Variants in GOLGA4 observed in about 807,000 individuals in gnomAD.
The protein encoded by GOLGA4 is golgin A4, also known as golgin subfamily A member 4.
In GOLGA4, 169 loss-of-function variants were observed where a neutral mutation model predicts 265.9. That is an observed-to-expected ratio of 0.64 (90% CI 0.56 to 0.72). The LOEUF (loss-of-function observed/expected upper bound fraction) is 0.72, where lower values mean the gene tolerates loss of function less well. Among genes scored for constraint, GOLGA4 ranks in the 30% least tolerant of loss-of-function variants. The probability of loss-of-function intolerance (pLI) is 0.00; values close to 1 mark genes in which losing one functional copy is unlikely to be tolerated. For missense variants in GOLGA4, 2,482 were observed against 2,483.4 expected (o/e 1.00, Z 0.01); for synonymous variants, 923 against 855.8 (o/e 1.08, Z -1.37).
intron 16 of GOLGA4, 98 bp downstream of exon 16, chr3:37,329,191 G>C: frequency 1.0e-6 from 1 of 1,002,948 alleles, no homozygotes; most frequent in Admixed American, 2.9e-5. Context: ...TTTTTTGAAC[G>C]AAAAGGGTTT....
chr3:37,315,373 A>G (rs1164588122), intron 10 of GOLGA4, 47 bp from the exon 11 acceptor site: 3 of 1,500,948 alleles, frequency 2.0e-6, no homozygotes, highest in African/African-American at 1.4e-5. Flanking sequence ...CTTTAGCTCA[A>G]TGATAATATT....
intron 16 of GOLGA4, among the ~76,000 whole-genome samples, chr3:37,333,111 T>C (rs966848206): frequency 2.0e-5 from 3 of 152,158 alleles, no homozygotes; most frequent in Non-Finnish European, 4.4e-5. Context: ...AAGAATTCAT[T>C]TGGGAGAAGG....
chr3:37,307,754 T>C (rs1343152043), intron 10 of GOLGA4, among the ~76,000 whole-genome samples: 1 of 152,212 alleles, frequency 6.6e-6, no homozygotes, highest in African/African-American at 2.4e-5. Context: ...GCTTTTAAAA[T>C]GCAATTATTT....
chr3:37,325,147 A>T lies in GOLGA4; in HGVS notation c.3261A>T (p.Lys1087Asn), dbSNP rs1250820153. 1.2e-6 allele frequency: 2 copies of T among 1,613,714 alleles called. No individual in the cohort carries two copies. Among genetic ancestry groups the T allele is most frequent in the African/African-American group, 1.3e-5 (1 of 75,044 alleles). The change falls in exon 14 of 24, where the codon AAA becomes AAT. Residue 1087 changes from lysine (K) to asparagine (N), a missense_variant. By Grantham distance (94) the Lys-to-Asn change is moderately conservative. Transcript: ENST00000361924. ...AGATCCTCCTATTTGGGTGTGAAAA[A>T]GAAGAGATGAACAAGGAAATAACAT... ...KQKILLFGCEKEEMNKEITWL... is the reference protein window; with the variant it reads ...KQKILLFGCENEEMNKEITWL...
In GOLGA4 at chr3:37,328,998, A is replaced by G; in HGVS notation, c.6097A>G (p.Ser2033Gly). 1 of 1,608,804 alleles carries G rather than the reference A, an allele frequency of 6.2e-7. No individual in the cohort carries two copies. Residue 2033 changes from serine (S) to glycine (G), a missense_variant, in exon 16 of 24, where the codon AGC becomes GGC. Ser to Gly is a moderately conservative substitution (Grantham distance 56). Around this residue, in one of 3 missense-constraint regions of GOLGA4, gnomAD observed 942 missense variants for 983.1 expected, o/e 0.96. Coordinates refer to ENST00000361924, the MANE Select transcript of GOLGA4 (RefSeq NM_002078.5). ...AQEVEAELLESHQEETNQLLK... is the reference protein window; with the variant it reads ...AQEVEAELLEGHQEETNQLLK... Reference sequence around the variant, plus strand: ...GGAGGTGGAGGCTGAACTTTTAGAAAGCCATCAAGAAGAGACAAATCAGTT... The same window carrying G: ...GGAGGTGGAGGCTGAACTTTTAGAAGGCCATCAAGAAGAGACAAATCAGTT...
At chr3:37,292,186 G>A (rs2096866464) in intron 5 of GOLGA4, among the ~76,000 whole-genome samples, 1 of 151,932 alleles carries the variant, frequency 6.6e-6, no homozygotes, top group Non-Finnish European at 1.5e-5. Context: ...TTGTTTTGGT[G>A]GGCTGTTAGG....
intron 4 of GOLGA4, among the ~76,000 whole-genome samples, chr3:37,288,591 C>G (rs1315791242): frequency 6.6e-6 from 1 of 151,974 alleles, no homozygotes; most frequent in Non-Finnish European, 1.5e-5. Flanking sequence ...ATTCTCCTGC[C>G]TCAGCCTCCT....
In GOLGA4 at chr3:37,265,217, A is replaced by G. The variant is rs938877518; in HGVS notation, c.162+13733A>G. On this transcript the variant is annotated intron_variant, in intron 2 of 23. Transcript: ENST00000361924. ...CCTCATCAAAAAATTCATTCTGATT[A>G]TAATTTATTGTACATCTAATTAATG... Among the ~76,000 whole-genome samples, 15 of 152,222 alleles carry G rather than the reference A, an allele frequency of 9.9e-5. No individual in the cohort carries two copies. The South Asian group carries it at 2.7e-3, about 27-fold the overall frequency.
Position 37,326,167 on chromosome 3 carries a change from G to C in GOLGA4, c.4281G>C (p.Glu1427Asp). Reference sequence around the variant, plus strand: ...TTAAAGTTGACACTCTGAGTAAAGAGAAAATTTCTGCTCTTGAGCAGGTAG... The same window carrying C: ...TTAAAGTTGACACTCTGAGTAAAGACAAAATTTCTGCTCTTGAGCAGGTAG... The part of the protein sequence containing the change: ...LSFKVDTLSK[E>D]KISALEQVDD... Residue 1427 changes from glutamate (E) to aspartate (D), a missense_variant, in exon 14 of 24, where the codon GAG (glutamate) becomes GAC (aspartate). Glu to Asp is a conservative substitution (Grantham distance 45, BLOSUM62 2). Transcript: ENST00000361924. The C allele has an allele frequency of 6.2e-7, 1 of 1,613,310 alleles. No homozygotes were observed. The highest frequency in any genetic ancestry group is 8.5e-7 in the Non-Finnish European group (1 of 1,179,484).
intron 1 of GOLGA4, among the ~76,000 whole-genome samples, chr3:37,249,507 G>A (rs188065975): frequency 9.2e-5 from 14 of 151,982 alleles, no homozygotes; most frequent in Non-Finnish European, 1.8e-4. Flanking sequence ...CTCTGCAGTT[G>A]AAGCAATTCT....
rs1162316524 is a variant in GOLGA4 at position 37,361,415 on chromosome 3, T to G, written c.*33+110T>G. On this transcript the variant is annotated intron_variant, in intron 23 of 23. Coordinates refer to ENST00000361924, the MANE Select transcript of GOLGA4 (RefSeq NM_002078.5). ...CTCTTGTTTAATAAATATATGATTA[T>G]GCTATGGGTTAATATAAGTATTTTC... 7.4e-6 allele frequency: 5 copies of G among 673,728 alleles called. No homozygotes were observed. The African/African-American group carries it at 9.0e-5, about 12-fold the overall frequency. 41.7% of individuals were successfully genotyped at this position (673,728 alleles called of 1,614,324 possible).
Position 37,366,184 on chromosome 3 carries a change from C to T in GOLGA4, c.*138C>T. ...TTGAGAATGAAGTTGTCATTCAGGG[C>T]CCCTCATGTAGCCAAAAGACCAAGA... On this transcript the variant is annotated 3_prime_UTR_variant, in exon 24 of 24. Transcript: ENST00000361924. 1 of 1,145,478 alleles carries T rather than the reference C, an allele frequency of 8.7e-7. No individual in the cohort carries two copies. The highest frequency in any genetic ancestry group is 1.7e-5 in the South Asian group (1 of 59,692). 71.0% of individuals were successfully genotyped at this position (1,145,478 alleles called of 1,614,324 possible).
intron 9 of GOLGA4, among the ~76,000 whole-genome samples, chr3:37,300,833 C>T (rs981625379): frequency 7.2e-5 from 11 of 152,080 alleles, no homozygotes; most frequent in Admixed American, 2.0e-4. Context: ...TCTAGTTTCT[C>T]ATATATTTTT....
intron 19 of GOLGA4, among the ~76,000 whole-genome samples, chr3:37,339,780 C>G (rs1334427249): frequency 6.6e-6 from 1 of 152,168 alleles, no homozygotes; most frequent in Non-Finnish European, 1.5e-5. Flanking sequence ...AGACAAGTCC[C>G]TTATCAGATA....
In GOLGA4 at chr3:37,323,898, T is replaced by G. The variant is rs779483543; in HGVS notation, c.2012T>G (p.Met671Arg). 1.2e-6 allele frequency: 2 copies of G among 1,613,416 alleles called. No homozygotes were observed. Among genetic ancestry groups the G allele is most frequent in the Non-Finnish European group, 1.7e-6 (2 of 1,179,780 alleles). Reference sequence around the variant, plus strand: ...ATCTTCCAGGCCCACATAGAAGAAATGAATGAAAAGACTTTAGAAAAGCTT... The same window carrying G: ...ATCTTCCAGGCCCACATAGAAGAAAGGAATGAAAAGACTTTAGAAAAGCTT... Reference protein sequence around the residue: ...EIIFQAHIEEMNEKTLEKLDV... With the variant: ...EIIFQAHIEERNEKTLEKLDV... Residue 671 changes from methionine to arginine, a missense_variant, in exon 14 of 24, where the codon ATG becomes AGG. Physicochemically the swap from Met to Arg is moderately conservative, Grantham distance 91. This residue lies in a region of GOLGA4 where 1,536 missense variants were observed against 1,483.7 expected (regional missense o/e 1.04). Coordinates refer to ENST00000361924, the MANE Select transcript of GOLGA4 (RefSeq NM_002078.5).
Position 37,327,843 on chromosome 3 carries a change from T to C in GOLGA4, c.5939+18T>C. ...AAAATCAAGTAAGTTTTATTTCAGC[T>C]TGAATATTTTTATGGCAGTCCTTCT... is the stretch of plus-strand genomic sequence containing the variant. On this transcript the variant is annotated intron_variant, in intron 14 of 23. Transcript: ENST00000361924. 1 of 1,566,412 alleles carries C rather than the reference T, an allele frequency of 6.4e-7. No individual in the cohort carries two copies. The highest frequency in any genetic ancestry group is 2.3e-5 in the East Asian group (1 of 44,368).
intron 11 of GOLGA4, among the ~76,000 whole-genome samples, chr3:37,317,376 G>T (rs1226036806): frequency 6.6e-6 from 1 of 152,030 alleles, no homozygotes; most frequent in Admixed American, 6.6e-5. Context: ...CTCCATGTTG[G>T]CCAGGCTGGT....
In GOLGA4 at chr3:37,347,547, T is replaced by C. The variant is rs138100008; in HGVS notation, c.6576+251T>C. ...AACACTGAACGCTAAACATTAAAAT[T>C]TCATTAACATAAGAATAATTTGTGA... On this transcript the variant is annotated intron_variant, in intron 21 of 23. Coordinates refer to ENST00000361924, the MANE Select transcript of GOLGA4 (RefSeq NM_002078.5). Among the ~76,000 whole-genome samples the C allele has an allele frequency of 6.6e-3, 1,002 of 152,306 alleles. 32 individuals are homozygous for C. Among genetic ancestry groups the C allele is most frequent in the Admixed American group, 0.058 (889 of 15,294 alleles).
chr3:37,335,211 G>C, intron 17 of GOLGA4, 45 bp downstream of exon 17: 1 of 995,728 alleles, frequency 1.0e-6, no homozygotes, highest in Non-Finnish European at 1.6e-6. Context: ...TGAAAACATT[G>C]TCATTTCTGT....
Sources: gnomAD v4.1 joint callset for allele counts (sites outside exome capture counted in the v4.1 genomes callset) on GRCh38, gnomAD v4.1.1 for gene constraint, gnomAD v4.1.1 regional missense constraint, MANE v1.5 for transcripts, NCBI Gene and HGNC (gene_info 2026-07-23, HGNC 2026-07-21) for gene names.